Variants in AOPEP observed in about 807,000 individuals in gnomAD.
AOPEP encodes the protein aminopeptidase O.
AOPEP carries 77 observed loss-of-function variants against 98.1 expected under a neutral mutation model. The observed-to-expected ratio is 0.78, with a 90% CI of 0.65 to 0.95. The LOEUF (loss-of-function observed/expected upper bound fraction) is 0.95. AOPEP is among the 40% of genes least tolerant of loss of function. AOPEP has a pLI of 0.00. For missense variants in AOPEP, 1,024 were observed against 1,024.7 expected (o/e 1.00, Z 0.01); for synonymous variants, 346 against 365.3 (o/e 0.95, Z 0.60).
chr9:95,126,545 C>T, the AOPEP span: 4 of 1,614,076 alleles, frequency 2.5e-6, no homozygotes, highest in Admixed American at 5.0e-5. Context: ...ATCTCATCAA[C>T]AACCCGGAAT....
At chr9:94,947,248 T>G (rs1453718495) in intron 7 of AOPEP, among the ~76,000 whole-genome samples, 1 of 152,040 alleles carries the variant, frequency 6.6e-6, no homozygotes, top group Admixed American at 6.5e-5. Context: ...CCCAAAGTGC[T>G]GGGATTACAG....
At chr9:94,872,654 G>A (rs1346019397) in intron 5 of AOPEP, among the ~76,000 whole-genome samples, 2 of 152,058 alleles carry the variant, frequency 1.3e-5, no homozygotes, top group Non-Finnish European at 2.9e-5. Flanking sequence ...TAACTTACTC[G>A]GTGAGATGTG....
chr9:95,102,697 G>C, the AOPEP span, among the ~76,000 whole-genome samples: 2 of 152,320 alleles, frequency 1.3e-5, no homozygotes, highest in East Asian at 3.9e-4. Context: ...GGACTATTCT[G>C]GTTTTACTGC....
At chr9:95,120,185 T>C in the AOPEP span, among the ~76,000 whole-genome samples, 12 of 152,346 alleles carry the variant, frequency 7.9e-5, no homozygotes, top group East Asian at 1.7e-3. Context: ...AAATTAACTG[T>C]TGTGTGCTTT....
In AOPEP at chr9:94,773,798, CTCTGTTGCCCGG is replaced by C. The variant is rs576609199; in HGVS notation, c.964+631_964+642del. ...TGTTTATTTGAGAGACAGGGTCTCGCTCTGTTGCCCGGGCTGGAGTGCAATGGCTTGATAACG... is the reference window on the plus strand; with the variant it reads ...TGTTTATTTGAGAGACAGGGTCTCGCGCTGGAGTGCAATGGCTTGATAACG... On this transcript the variant is annotated intron_variant, in intron 3 of 16. Transcript: ENST00000375315. Among the ~76,000 whole-genome samples, 310 of 152,322 alleles carry C rather than the reference CTCTGTTGCCCGG, an allele frequency of 2.0e-3. 2 individuals are homozygous for C. The highest frequency in any genetic ancestry group is 7.1e-3 in the African/African-American group (295 of 41,572).
chr9:94,819,638 G>T (rs186972556), intron 5 of AOPEP, among the ~76,000 whole-genome samples: 33 of 150,710 alleles, frequency 2.2e-4, no homozygotes, highest in African/African-American at 6.6e-4. Context: ...GCAATGGCAC[G>T]ATCTGGGCTC....
At chr9:95,024,254 G>A (rs908567303) in intron 13 of AOPEP, among the ~76,000 whole-genome samples, 10 of 152,174 alleles carry the variant, frequency 6.6e-5, no homozygotes, top group African/African-American at 1.7e-4. Context: ...GAGAGAGAAC[G>A]TAGGATAGGA....
chr9:94,767,108 G>T (rs971878215), intron 2 of AOPEP, among the ~76,000 whole-genome samples: 21 of 152,140 alleles, frequency 1.4e-4, no homozygotes, highest in Non-Finnish European at 2.6e-4. Context: ...GGTCTAAGAG[G>T]AACATTTCCA....
intron 5 of AOPEP, among the ~76,000 whole-genome samples, chr9:94,813,040 T>G (rs1170814811): frequency 6.6e-6 from 1 of 151,076 alleles, no homozygotes; most frequent in African/African-American, 2.4e-5. Context: ...GGACAAGGAG[T>G]GGGCTGTACA....
intron 11 of AOPEP, among the ~76,000 whole-genome samples, chr9:94,996,821 G>A (rs1178530762): frequency 6.6e-6 from 1 of 152,160 alleles, no homozygotes; most frequent in Non-Finnish European, 1.5e-5. Context: ...GAGCCCATGT[G>A]GTTAGAGCAC....
intron 14 of AOPEP, chr9:95,065,584 C>T (rs2067799709): frequency 6.6e-6 from 1 of 152,280 alleles, no homozygotes; most frequent in African/African-American, 2.4e-5. Flanking sequence ...CAGGAGACAC[C>T]ATTGTGGAAC....
At chr9:94,988,143 A>C (rs2060637505) in intron 11 of AOPEP, among the ~76,000 whole-genome samples, 1 of 152,176 alleles carries the variant, frequency 6.6e-6, no homozygotes, top group African/African-American at 2.4e-5. Context: ...AAACAGCATT[A>C]AGTATCTAGA....
chr9:94,931,745 C>A (rs2055344641), intron 7 of AOPEP: 1 of 1,550,380 alleles, frequency 6.5e-7, no homozygotes, highest in Non-Finnish European at 8.7e-7. Flanking sequence ...GCAGTGGAAG[C>A]TTCTCTTGAG....
intron 5 of AOPEP, 60 bp from the exon 6 acceptor site, chr9:94,923,926 G>A (rs894992990): frequency 2.3e-5 from 28 of 1,192,484 alleles, no homozygotes; most frequent in Admixed American, 4.0e-5. Flanking sequence ...TGCCCCATCG[G>A]ATGGCCATGA....
chr9:94,746,763 C>T (rs1834570656), intron 1 of AOPEP, among the ~76,000 whole-genome samples: 1 of 152,200 alleles, frequency 6.6e-6, no homozygotes, highest in South Asian at 2.1e-4. Context: ...AAGCTGCCAT[C>T]AGGGAAGCCA....
intron 1 of AOPEP, among the ~76,000 whole-genome samples, chr9:94,743,555 A>G (rs1454295247): frequency 6.6e-6 from 1 of 152,370 alleles, no homozygotes; most frequent in South Asian, 2.1e-4. Flanking sequence ...AGTGTTAGCT[A>G]TTGAGCCCAG....
the AOPEP span, among the ~76,000 whole-genome samples, chr9:95,112,280 TG>T: frequency 6.6e-6 from 1 of 152,208 alleles, no homozygotes; most frequent in Non-Finnish European, 1.5e-5. Context: ...TTGGAGAGGA[TG>T]GAACAGACCA....
rs118107927 is a variant in AOPEP at position 94,789,242 on chromosome 9, A to G, written c.965-3523A>G. On this transcript the variant is annotated intron_variant, in intron 3 of 16. Transcript: ENST00000375315. ...AGAAGTTCTTTTACTGTTCCTGAAT[A>G]GAGTCTGGGGAGGAAGCAAAGGTGG... Among the ~76,000 whole-genome samples the G allele has an allele frequency of 2.8e-3, 432 of 152,290 alleles. 2 individuals are homozygous for G. Among genetic ancestry groups the G allele is most frequent in the Non-Finnish European group, 4.9e-3 (334 of 68,020 alleles).
chr9:94,753,492 A>T (rs1249226378), intron 1 of AOPEP, among the ~76,000 whole-genome samples: 1 of 152,234 alleles, frequency 6.6e-6, no homozygotes, highest in Non-Finnish European at 1.5e-5. Flanking sequence ...TGTGTAAGTT[A>T]TGAAACAGTG....
Sources: gnomAD v4.1 joint callset for allele counts (sites outside exome capture counted in the v4.1 genomes callset) on GRCh38, gnomAD v4.1.1 for gene constraint, MANE v1.5 for transcripts, NCBI Gene and HGNC (gene_info 2026-07-23, HGNC 2026-07-21) for gene names.